The following TANGO2 variants were observed in gnomAD, a reference collection of about 807,000 sequenced individuals.
TANGO2 encodes transport and golgi organization 2 homolog.
A neutral mutation model predicts 39.1 loss-of-function variants in TANGO2; 26 were observed. That is an observed-to-expected ratio of 0.67 (90% confidence interval 0.49 to 0.92). The LOEUF is 0.92. TANGO2 is among the 40% of genes least tolerant of loss of function. The probability of loss-of-function intolerance (pLI) is 0.00; values close to 1 mark genes in which losing one functional copy is unlikely to be tolerated. For missense variants in TANGO2, 326 were observed against 360.1 expected (o/e 0.91, Z 0.77); for synonymous variants, 131 against 144.5 (o/e 0.91, Z 0.67).
At chr22:20,046,010 C>G (rs926948411) in intron 3 of TANGO2, among the ~76,000 whole-genome samples, 1 of 152,084 alleles carries the variant, frequency 6.6e-6, no homozygotes, top group Non-Finnish European at 1.5e-5. Flanking sequence ...ACTGGTGGTT[C>G]TTGCCCCAGT....
chr22:20,041,264 A>G (rs929553452), intron 2 of TANGO2, among the ~76,000 whole-genome samples: 3 of 150,890 alleles, frequency 2.0e-5, no homozygotes, highest in Non-Finnish European at 4.4e-5. Context: ...CTCTGCCTCA[A>G]CCTCTCGAGC....
At chr22:20,035,133 G>A (rs1001076412) in intron 1 of TANGO2, among the ~76,000 whole-genome samples, 2 of 152,200 alleles carry the variant, frequency 1.3e-5, no homozygotes, top group African/African-American at 4.8e-5. Flanking sequence ...GCAGAGTGGT[G>A]GCCAGCAGAC....
In TANGO2 at chr22:20,037,032, C is replaced by T. The variant is rs116666405; in HGVS notation, c.56+178C>T. ...TGTGGGATGCTGTCAGAATGCCTCTCGGGGCGGGGACTCCAGTCAATGTAC... is the reference window on the plus strand; with the variant it reads ...TGTGGGATGCTGTCAGAATGCCTCTTGGGGCGGGGACTCCAGTCAATGTAC... On this transcript the variant is annotated intron_variant, in intron 2 of 8. Coordinates refer to ENST00000327374, the MANE Select transcript of TANGO2 (RefSeq NM_152906.7). 7.0e-5 allele frequency: 110 copies of T among 1,561,194 alleles called. No homozygotes were observed. In the African/African-American group the frequency reaches 1.4e-3, roughly 19 times the overall value.
At chr22:20,022,357 A>G (rs1249272669) in intron 1 of TANGO2, among the ~76,000 whole-genome samples, 4 of 152,270 alleles carry the variant, frequency 2.6e-5, no homozygotes, top group Non-Finnish European at 5.9e-5. Flanking sequence ...CCATGTTGTT[A>G]GATGGACACA....
In TANGO2 at chr22:20,064,550, C is replaced by G. The variant is rs370778555; in HGVS notation, c.719C>G (p.Thr240Ser). 1.7e-5 allele frequency: 28 copies of G among 1,614,042 alleles called. No homozygotes were observed. In the African/African-American group the frequency reaches 3.1e-4, roughly 18 times the overall value. Residue 240 changes from threonine to serine, a missense_variant, in exon 9 of 9, where the codon ACT (threonine) becomes AGT (serine). Transcript: ENST00000327374. ...RCPGYGTRTNTIILVDADGHV... is the reference protein window; with the variant it reads ...RCPGYGTRTNSIILVDADGHV... Reference sequence around the variant, plus strand: ...CCCCTGCTCTCTTTCAGAACCAACACTATCATCCTGGTAGATGCGGACGGC... The same window carrying G: ...CCCCTGCTCTCTTTCAGAACCAACAGTATCATCCTGGTAGATGCGGACGGC...
chr22:20,051,376 A>G (rs2046322801), intron 3 of TANGO2, among the ~76,000 whole-genome samples: 1 of 151,772 alleles, frequency 6.6e-6, no homozygotes, highest in African/African-American at 2.4e-5. Context: ...TACTAAAAAT[A>G]CAAAATTAGC....
At chr22:20,048,345 C>T (rs1473498699) in intron 3 of TANGO2, 3 of 152,226 alleles carry the variant, frequency 2.0e-5, no homozygotes, top group South Asian at 4.1e-4. Context: ...TTCCTGAGGC[C>T]TCCCCAGCCA....
chr22:20,027,228 T>C (rs968782509), intron 1 of TANGO2, among the ~76,000 whole-genome samples: 3 of 152,160 alleles, frequency 2.0e-5, no homozygotes, highest in African/African-American at 2.4e-5. Context: ...TGTTAAACTT[T>C]CATGAGAATT....
At chr22:20,035,958 C>T (rs9606220) in intron 1 of TANGO2, among the ~76,000 whole-genome samples, 376 of 152,276 alleles carry the variant, frequency 2.5e-3, no homozygotes, top group Non-Finnish European at 3.0e-3. Flanking sequence ...TTGTCGGCCT[C>T]CACTTTCCCC....
chr22:20,036,652 G>T, intron 1 of TANGO2, 108 bp from the exon 2 acceptor site: 1 of 958,508 alleles, frequency 1.0e-6, no homozygotes, highest in Non-Finnish European at 1.6e-6. Context: ...CCAGCAAGTA[G>T]TACAGACACC....
intron 1 of TANGO2, among the ~76,000 whole-genome samples, chr22:20,027,596 G>A (rs187602654): frequency 8.5e-4 from 130 of 152,204 alleles, no homozygotes; most frequent in Admixed American, 7.8e-3. Context: ...GGCAGCCCTT[G>A]GCTGAGGCTT....
chr22:20,042,320 G>A lies in TANGO2; in HGVS notation c.57-1035G>A, dbSNP rs144453021. On this transcript the variant is annotated intron_variant, in intron 2 of 8. Coordinates refer to ENST00000327374, the MANE Select transcript of TANGO2 (RefSeq NM_152906.7). Reference sequence around the variant, plus strand: ...GCTTCTTAGACCCTCAGGTCTAATGGACATTGCAGGAACTGACCCCTTCCA... The same window carrying A: ...GCTTCTTAGACCCTCAGGTCTAATGAACATTGCAGGAACTGACCCCTTCCA... Among the ~76,000 whole-genome samples the A allele has an allele frequency of 8.1e-3, 1,228 of 152,228 alleles. 12 individuals are homozygous for A. Among genetic ancestry groups the A allele is most frequent in the Non-Finnish European group, 0.012 (817 of 68,016 alleles).
At chr22:20,042,000 T>TA (rs898973898) in intron 2 of TANGO2, among the ~76,000 whole-genome samples, 1 of 151,736 alleles carries the variant, frequency 6.6e-6, no homozygotes, top group Non-Finnish European at 1.5e-5. Context: ...TTTTTTTTTT[T>TA]AGAGACAGGG....
intron 8 of TANGO2, among the ~76,000 whole-genome samples, chr22:20,063,923 T>G (rs751350610): frequency 5.3e-5 from 8 of 152,256 alleles, no homozygotes; most frequent in Non-Finnish European, 1.2e-4. Context: ...GCATAGCCGC[T>G]GGGTCCCACC....
In TANGO2 at chr22:20,056,004, T is replaced by C. The variant is rs1387937851; in HGVS notation, c.442T>C (p.Leu148=). ...CCGAGGGGAGCCTGATCCTATCGTT[T>C]TGACGCCAGGTGAGCCTGCCCTGGC... The part of the protein sequence containing the change: ...GNRGEPDPIV[L]TPGTYGLSNA... The change falls in exon 6 of 9, where the codon TTG becomes CTG. Residue 148 remains leucine (L), a synonymous_variant. Coordinates refer to ENST00000327374, the MANE Select transcript of TANGO2 (RefSeq NM_152906.7). The C allele has an allele frequency of 6.2e-7, 1 of 1,614,030 alleles. No individual in the cohort carries two copies. Among genetic ancestry groups the C allele is most frequent in the Non-Finnish European group, 8.5e-7 (1 of 1,179,856 alleles).
intron 1 of TANGO2, among the ~76,000 whole-genome samples, chr22:20,028,268 C>T (rs573748897): frequency 2.0e-5 from 3 of 152,328 alleles, no homozygotes; most frequent in African/African-American, 4.8e-5. Context: ...TATGCCACTG[C>T]ACCTGGCTAA....
intron 6 of TANGO2, among the ~76,000 whole-genome samples, chr22:20,060,438 G>C (rs969514070): frequency 6.7e-6 from 1 of 150,224 alleles, no homozygotes; most frequent in Non-Finnish European, 1.5e-5. Flanking sequence ...TTTATGTTTT[G>C]TAGAGATAAG....
rs1398207670 is a variant in TANGO2, at chr22:20,065,042, C to CAT, written c.*380_*381insAT. The stretch of plus-strand genomic sequence containing the variant: ...ATGGACACCGACACAGGCACATGTA[C>CAT]GTGCACAGGTGTGCTACACATGTGC... On this transcript the variant is annotated 3_prime_UTR_variant, in exon 9 of 9. Coordinates refer to ENST00000327374, the MANE Select transcript of TANGO2 (RefSeq NM_152906.7). The CAT allele has an allele frequency of 2.1e-4, 49 of 237,434 alleles. 1 individual carries two copies. In the East Asian group the frequency reaches 4.4e-3, roughly 21 times the overall value. The allele number at this position is 237,434 out of a possible 1,614,324, so 14.7% of individuals were successfully genotyped here. A position where few individuals can be genotyped will look rare whatever the true frequency, so the allele number is the denominator to read the frequency against.
intron 1 of TANGO2, among the ~76,000 whole-genome samples, chr22:20,028,854 T>G (rs2041296279): frequency 6.6e-6 from 1 of 152,178 alleles, no homozygotes; most frequent in Non-Finnish European, 1.5e-5. Flanking sequence ...CCTTGCTTCT[T>G]TTCCCCATGG....
Sources: gnomAD v4.1 joint callset for allele counts (sites outside exome capture counted in the v4.1 genomes callset) on GRCh38, gnomAD v4.1.1 for gene constraint, MANE v1.5 for transcripts, NCBI Gene and HGNC (gene_info 2026-07-23, HGNC 2026-07-21) for gene names.